SRRM4: variants seen among roughly 807,000 people sequenced by gnomAD.
The protein encoded by SRRM4 is serine/arginine repetitive matrix 4.
In SRRM4, 33 loss-of-function variants were observed where a neutral mutation model predicts 68.9. That is an observed-to-expected ratio of 0.48 (90% confidence interval 0.36 to 0.64). The LOEUF is 0.64. Among genes scored for constraint, SRRM4 ranks in the 30% least tolerant of loss-of-function variants. The pLI, the probability that SRRM4 is intolerant of heterozygous loss-of-function variation, is 0.00. For synonymous variants in SRRM4, 318 were observed against 318.8 expected, an observed-to-expected ratio of 1.00 and a Z score of 0.03; for missense variants, 817 against 827.1, an observed-to-expected ratio of 0.99 and a Z score of 0.15.
At chr12:119,028,497 T>G (rs559815102) in intron 1 of SRRM4, among the ~76,000 whole-genome samples, 1 of 152,208 alleles carries the variant, frequency 6.6e-6, no homozygotes, top group Admixed American at 6.5e-5. Context: ...ATGTGAGACA[T>G]GCCTTTCACC....
Position 119,158,054 on chromosome 12 carries a change from GT to G in SRRM4, c.*1257del, listed in dbSNP as rs1317699237. ...ACCTTTATTTTTGCCCTCACCCCAA[GT>G]CCCCCCTGGCTGGGGCTGGGCAGAG... On this transcript the variant is annotated 3_prime_UTR_variant, in exon 13 of 13. Coordinates refer to ENST00000267260, the MANE Select transcript of SRRM4 (RefSeq NM_194286.4). 1 of 152,768 alleles carries G rather than the reference GT, an allele frequency of 6.5e-6. No individual in the cohort carries two copies. The highest frequency in any genetic ancestry group is 2.4e-5 in the African/African-American group (1 of 41,444). The allele number at this position is 152,768 out of a possible 1,614,324, so 9.5% of individuals were successfully genotyped here.
intron 1 of SRRM4, among the ~76,000 whole-genome samples, chr12:119,071,533 G>C (rs1044585383): frequency 2.0e-5 from 3 of 152,068 alleles, no homozygotes; most frequent in African/African-American, 7.3e-5. Flanking sequence ...ATTTACATAC[G>C]ATAAAATAAG....
intron 9 of SRRM4, among the ~76,000 whole-genome samples, chr12:119,147,381 G>A (rs1954410802): frequency 6.6e-6 from 1 of 152,168 alleles, no homozygotes; most frequent in African/African-American, 2.4e-5. Flanking sequence ...CACTACAATG[G>A]TGGATAACTG....
intron 5 of SRRM4, among the ~76,000 whole-genome samples, chr12:119,121,318 A>C (rs1954218165): frequency 1.3e-5 from 2 of 152,192 alleles, no homozygotes; most frequent in South Asian, 4.1e-4. Context: ...ACCCTCTGCA[A>C]CCAGTCTAGC....
chr12:119,067,632 C>T (rs559264169), intron 1 of SRRM4, among the ~76,000 whole-genome samples: 5 of 152,190 alleles, frequency 3.3e-5, no homozygotes, highest in Admixed American at 1.3e-4. Context: ...CACTTGAACC[C>T]GGGAGGTGGA....
At chr12:119,066,558 C>G (rs1235948583) in intron 1 of SRRM4, among the ~76,000 whole-genome samples, 1 of 152,216 alleles carries the variant, frequency 6.6e-6, no homozygotes, top group Non-Finnish European at 1.5e-5. Context: ...GGAAGTGGGG[C>G]TGGGCAATCT....
chr12:119,111,622 C>T (rs1321545183), intron 2 of SRRM4, among the ~76,000 whole-genome samples: 1 of 152,130 alleles, frequency 6.6e-6, no homozygotes, highest in Non-Finnish European at 1.5e-5. Flanking sequence ...AGCTGTTGCA[C>T]TGGGAAGTGT....
At chr12:119,053,662 A>C (rs1953758827) in intron 1 of SRRM4, among the ~76,000 whole-genome samples, 1 of 152,238 alleles carries the variant, frequency 6.6e-6, no homozygotes, top group Non-Finnish European at 1.5e-5. Context: ...TTTGTGACTA[A>C]CATACCAATT....
chr12:119,035,236 G>T (rs2136008301), intron 1 of SRRM4, among the ~76,000 whole-genome samples: 1 of 152,208 alleles, frequency 6.6e-6, no homozygotes, highest in Non-Finnish European at 1.5e-5. Flanking sequence ...AAACTGCAAT[G>T]TTTTTATTGT....
intron 1 of SRRM4, among the ~76,000 whole-genome samples, chr12:119,076,004 ATGG>A (rs767578723): frequency 6.6e-6 from 1 of 150,840 alleles, no homozygotes; most frequent in Non-Finnish European, 1.5e-5. Context: ...GATGGTGGTG[ATGG>A]TGGCGATGAT....
intron 8 of SRRM4, among the ~76,000 whole-genome samples, chr12:119,143,654 T>C (rs1257760155): frequency 6.6e-6 from 1 of 152,140 alleles, no homozygotes; most frequent in East Asian, 1.9e-4. Context: ...CCCCTCAGCC[T>C]GAACATCCAA....
chr12:119,114,348 C>A lies in SRRM4; in HGVS notation c.349C>A (p.Arg117=). The A allele has an allele frequency of 6.2e-7, 1 of 1,607,870 alleles. No individual in the cohort carries two copies. The highest frequency in any genetic ancestry group is 1.1e-5 in the South Asian group (1 of 89,442). ...RGKKKKKKST[R]KKRRRSSSYS... ...AAAGAAGAAAAAGAAGAAATCCACT[C>A]GGAAGAAGAGAAGGAGGTAAGAGCA... The change falls in exon 3 of 13, where the codon CGG becomes AGG. Residue 117 remains arginine (R), a synonymous_variant. Transcript: ENST00000267260.
At chr12:119,069,973 G>A (rs776203833) in intron 1 of SRRM4, among the ~76,000 whole-genome samples, 5 of 152,128 alleles carry the variant, frequency 3.3e-5, no homozygotes, top group African/African-American at 4.8e-5. Flanking sequence ...GGAGACTAAC[G>A]TGAGTTGTGA....
At chr12:118,982,135 T>C (rs1032568035) in intron 1 of SRRM4, 122 bp downstream of exon 1, 2 of 1,248,692 alleles carry the variant, frequency 1.6e-6, no homozygotes, top group Non-Finnish European at 2.2e-6. Flanking sequence ...CCGTCACTAC[T>C]CGGCGGCTCC....
intron 1 of SRRM4, among the ~76,000 whole-genome samples, chr12:118,990,422 T>C (rs1241569990): frequency 6.6e-6 from 1 of 152,216 alleles, no homozygotes; most frequent in Non-Finnish European, 1.5e-5. Context: ...CATTGTCCTA[T>C]TTGGTTCGGC....
intron 8 of SRRM4, among the ~76,000 whole-genome samples, chr12:119,140,445 T>C (rs1345225144): frequency 1.3e-5 from 2 of 152,198 alleles, no homozygotes; most frequent in African/African-American, 4.8e-5. Flanking sequence ...AGATCTCATT[T>C]ATTCTCTCTA....
chr12:119,047,188 C>T (rs556806888), intron 1 of SRRM4, among the ~76,000 whole-genome samples: 33 of 152,260 alleles, frequency 2.2e-4, no homozygotes, highest in Admixed American at 2.0e-3. Flanking sequence ...AAATTTACCA[C>T]AAATTTTATA....
At chr12:119,081,618 G>A (rs868333075) in intron 1 of SRRM4, among the ~76,000 whole-genome samples, 19 of 152,224 alleles carry the variant, frequency 1.2e-4, no homozygotes, top group African/African-American at 4.6e-4. Flanking sequence ...GCACCATGAT[G>A]TGGCTTAATT....
In SRRM4 at chr12:119,000,457, C is replaced by T. The variant is rs1565886580; in HGVS notation, c.131+18444C>T. ...TCAGACCAAGGACCCGTGAACTTTCCAATACATTTGACCCCAGTGAACCCT... is the reference window on the plus strand; with the variant it reads ...TCAGACCAAGGACCCGTGAACTTTCTAATACATTTGACCCCAGTGAACCCT... On this transcript the variant is annotated intron_variant, in intron 1 of 12. Coordinates refer to ENST00000267260, the MANE Select transcript of SRRM4 (RefSeq NM_194286.4). Among the ~76,000 whole-genome samples the T allele has an allele frequency of 3.3e-5, 5 of 152,124 alleles. 1 individual carries two copies. Among genetic ancestry groups the T allele is most frequent in the South Asian group, 4.1e-4 (2 of 4,822 alleles).
Sources: allele counts gnomAD v4.1 joint callset (sites outside exome capture counted in the v4.1 genomes callset), GRCh38; gene constraint gnomAD v4.1.1; transcripts MANE v1.5; gene names NCBI Gene and HGNC (gene_info 2026-07-23, HGNC 2026-07-21).